The following OSBPL5 variants were observed in gnomAD, a reference collection of about 807,000 sequenced individuals.
The protein encoded by OSBPL5 is oxysterol binding protein like 5.
A neutral mutation model predicts 111.2 loss-of-function variants in OSBPL5; 71 were observed. The observed-to-expected ratio is 0.64, with a 90% CI of 0.53 to 0.78. OSBPL5 has a LOEUF of 0.78. OSBPL5 is among the 30% of genes least tolerant of loss of function. The probability of loss-of-function intolerance (pLI) is 0.00; values close to 1 mark genes in which losing one functional copy is unlikely to be tolerated. For synonymous variants in OSBPL5, 549 were observed against 513.9 expected (o/e 1.07, Z -0.93); for missense variants, 1,210 against 1,189.3 (o/e 1.02, Z -0.26).
chr11:3,161,826 A>G lies in OSBPL5; in HGVS notation c.-22+3390T>C, dbSNP rs1221999651. The stretch of plus-strand genomic sequence containing the variant: ...GCCAGGAACAGAGACTCTCTCAGAG[A>G]GGCAGCATCTGAGCTGGGACCTGAA... On this transcript the variant is annotated intron_variant, in intron 1 of 21. Transcript: ENST00000263650. The surrounding 1 kb of genome is among the most constrained non-coding windows in gnomAD (Gnocchi z 8.0). 1.3e-5 allele frequency among the ~76,000 whole-genome samples: 2 copies of G among 152,244 alleles called. No individual in the cohort carries two copies. Among genetic ancestry groups the G allele is most frequent in the African/African-American group, 4.8e-5 (2 of 41,466 alleles).
Position 3,126,686 on chromosome 11 carries a change from T to G in OSBPL5, c.137-131A>C. ...GGAGGGGCAGGAAGTCAGCCGGAGG[T>G]GGTGGCAGGAACAGGACACTGCCTG... On this transcript the variant is annotated intron_variant, in intron 2 of 21. Transcript: ENST00000263650. The surrounding 1 kb of genome is among the most constrained non-coding windows in gnomAD (Gnocchi z 6.5). 1.5e-6 allele frequency: 1 copy of G among 670,968 alleles called. No homozygotes were observed. Among genetic ancestry groups the G allele is most frequent in the Non-Finnish European group, 2.5e-6 (1 of 405,912 alleles). The allele number at this position is 670,968 out of a possible 1,614,324, so 41.6% of individuals were successfully genotyped here. A position where few individuals can be genotyped will look rare whatever the true frequency, so the allele number is the denominator to read the frequency against.
chr11:3,165,310 T>G lies in OSBPL5; in HGVS notation c.-116A>C, dbSNP rs957050833. ...CCTGGCTGCAGGAAATGCCAGCAGA[T>G]GGTCCCCCCGCGCGAGGCGGAGCGA... On this transcript the variant is annotated 5_prime_UTR_variant, in exon 1 of 22. Transcript: ENST00000263650. The surrounding 1 kb of genome is among the most constrained non-coding windows in gnomAD (Gnocchi z 7.4). The G allele has an allele frequency of 2.0e-5, 3 of 151,440 alleles. No individual in the cohort carries two copies. The highest frequency in any genetic ancestry group is 4.4e-5 in the Non-Finnish European group (3 of 67,844). 9.4% of individuals were successfully genotyped at this position (151,440 alleles called of 1,614,324 possible). A position where few individuals can be genotyped will look rare whatever the true frequency, so the allele number is the denominator to read the frequency against.
At chr11:3,103,698 GCCTGCGTACCCCCTTCCAGGC>G (rs1857538921) in intron 10 of OSBPL5, among the ~76,000 whole-genome samples, 10 of 118,126 alleles carry the variant, frequency 8.5e-5, no homozygotes, top group South Asian at 2.7e-4. Context: ...CCCCCTTCCA[GCCTGCGTACCCCCTTCCAGGC>G]TCTGCTGCCC....
In OSBPL5 at chr11:3,113,200, T is replaced by C. The variant is rs186796870; in HGVS notation, c.692-5255A>G. Among the ~76,000 whole-genome samples the C allele has an allele frequency of 7.9e-5, 12 of 152,360 alleles. No homozygotes were observed. The highest frequency in any genetic ancestry group is 1.3e-4 in the Non-Finnish European group (9 of 68,036). On this transcript the variant is annotated intron_variant, in intron 7 of 21. Transcript: ENST00000263650. This position sits in a 1 kb window ranked among gnomAD's most constrained non-coding sequence, Gnocchi z 4.8. ...AAATCTTTAATAAATAAGCTAGCTT[T>C]AAAATTATTGGTAAAGTAATATTAG...
In OSBPL5 at chr11:3,120,574, C is replaced by T. The variant is rs778122967; in HGVS notation, c.453G>A (p.Pro151=). 4.1e-5 allele frequency: 66 copies of T among 1,613,178 alleles called. No individual in the cohort carries two copies. Among genetic ancestry groups the T allele is most frequent in the African/African-American group, 1.2e-4 (9 of 74,944 alleles). ...GCGTCTTGTAGATGAGCAGCACCCC[C>T]GGCTTCAGCACGCACCACAGCTTGG... The part of the protein sequence containing the change: ...SWTKLWCVLK[P]GVLLIYKTPK... The change falls in exon 6 of 22, where the codon CCG becomes CCA. Residue 151 remains proline (P), a synonymous_variant. Coordinates refer to ENST00000263650, the MANE Select transcript of OSBPL5 (RefSeq NM_020896.4).
At chr11:3,164,062 C>T (rs888907125) in intron 1 of OSBPL5, 2 of 152,232 alleles carry the variant, frequency 1.3e-5, no homozygotes, top group Non-Finnish European at 2.9e-5. Context: ...CTGGATCAGC[C>T]CTGGTGCAGG....
Position 3,092,440 on chromosome 11 carries a change from T to C in OSBPL5, c.2251A>G (p.Arg751Gly), listed in dbSNP as rs1159895201. Residue 751 changes from arginine (R) to glycine (G), a missense_variant, in exon 19 of 22, where the codon AGG (arginine) becomes GGG (glycine). Coordinates refer to ENST00000263650, the MANE Select transcript of OSBPL5 (RefSeq NM_020896.4). The surrounding 1 kb of genome is among the most constrained non-coding windows in gnomAD (Gnocchi z 5.4). ...GCCTGTGGGGTGCTGACCTCGTGCC[T>C]GGGCCCTGGGCTGCCCAGGAAGGTG... ...QTTFLGSPGP[R>G]HERSGPDQRL... 3.2e-6 allele frequency: 5 copies of C among 1,572,842 alleles called. No individual in the cohort carries two copies. The highest frequency in any genetic ancestry group is 2.8e-5 in the African/African-American group (2 of 72,044).
intron 1 of OSBPL5, among the ~76,000 whole-genome samples, chr11:3,135,928 C>T (rs571824510): frequency 2.6e-5 from 4 of 152,334 alleles, no homozygotes; most frequent in South Asian, 4.1e-4. Context: ...CTGGGCTGAC[C>T]ACCCCTCCCC....
chr11:3,092,157 G>A lies in OSBPL5; in HGVS notation c.2259+275C>T, dbSNP rs1857081212. 6.6e-6 allele frequency among the ~76,000 whole-genome samples: 1 copy of A among 151,678 alleles called. No homozygotes were observed. The highest frequency in any genetic ancestry group is 2.4e-5 in the African/African-American group (1 of 41,232). ...ATCAGTGGAATGGGATAATGTGGCT[G>A]CTAACTTGGCAGAGGGAGACTTTGG... is the stretch of plus-strand genomic sequence containing the variant. On this transcript the variant is annotated intron_variant, in intron 19 of 21. Transcript: ENST00000263650. The surrounding 1 kb of genome is among the most constrained non-coding windows in gnomAD (Gnocchi z 5.4).
At chr11:3,102,378 G>C in intron 11 of OSBPL5, 97 bp from the exon 12 acceptor site, 5 of 1,102,106 alleles carry the variant, frequency 4.5e-6, no homozygotes, top group South Asian at 4.1e-5. Context: ...GCGTGGGTGG[G>C]CTACCCGCTG....
In OSBPL5 at chr11:3,109,286, G is replaced by A. The variant is rs1857826353; in HGVS notation, c.692-1341C>T. 6.6e-6 allele frequency among the ~76,000 whole-genome samples: 1 copy of A among 151,848 alleles called. No homozygotes were observed. The highest frequency in any genetic ancestry group is 1.5e-5 in the Non-Finnish European group (1 of 67,986). On this transcript the variant is annotated intron_variant, in intron 7 of 21. Coordinates refer to ENST00000263650, the MANE Select transcript of OSBPL5 (RefSeq NM_020896.4). The surrounding 1 kb of genome is among the most constrained non-coding windows in gnomAD (Gnocchi z 7.4). ...GTAGAGATGGGGTTTCACCATGTTG[G>A]CCAGGCTGGTCTCAACCTCTGGGCC...
rs997612889 is a variant in OSBPL5 at position 3,092,656 on chromosome 11, C to G, written c.2133-98G>C. 438 of 1,429,698 alleles carry G rather than the reference C, an allele frequency of 3.1e-4. 3 individuals are homozygous for G. Among genetic ancestry groups the G allele is most frequent in the Middle Eastern group, 2.3e-3 (12 of 5,198 alleles). 88.6% of individuals were successfully genotyped at this position (1,429,698 alleles called of 1,614,324 possible). A position where few individuals can be genotyped will look rare whatever the true frequency, so the allele number is the denominator to read the frequency against. The stretch of plus-strand genomic sequence containing the variant: ...TCAGCCCCCCAACAGTGGCCAGAGA[C>G]CTCCAGGAGAATGACCACTGCCCAC... On this transcript the variant is annotated intron_variant, in intron 18 of 21. Coordinates refer to ENST00000263650, the MANE Select transcript of OSBPL5 (RefSeq NM_020896.4). This position sits in a 1 kb window ranked among gnomAD's most constrained non-coding sequence, Gnocchi z 5.4.
chr11:3,135,155 G>A (rs933403149), intron 1 of OSBPL5, among the ~76,000 whole-genome samples: 14 of 152,226 alleles, frequency 9.2e-5, no homozygotes, highest in Admixed American at 3.3e-4. Flanking sequence ...CCTGAAGTGC[G>A]CCCTGGCGGT....
chr11:3,100,284 G>A (rs984697028), intron 13 of OSBPL5, 28 bp from the exon 14 acceptor site: 1 of 1,607,292 alleles, frequency 6.2e-7, no homozygotes, highest in Non-Finnish European at 8.5e-7. Context: ...AGCAGGACCA[G>A]TGAGTGCGGA....
Position 3,131,520 on chromosome 11 carries a change from C to T in OSBPL5, c.-21-2351G>A, listed in dbSNP as rs541050556. 1.3e-4 allele frequency among the ~76,000 whole-genome samples: 19 copies of T among 150,958 alleles called. No homozygotes were observed. The South Asian group carries it at 3.6e-3, about 29-fold the overall frequency. On this transcript the variant is annotated intron_variant, in intron 1 of 21. Coordinates refer to ENST00000263650, the MANE Select transcript of OSBPL5 (RefSeq NM_020896.4). ...CCATCCTCCCATCTATCCATCCATC[C>T]ACCCATTCATCCATCCATCCATCCA...
chr11:3,115,428 C>A (rs1428792279), intron 7 of OSBPL5, among the ~76,000 whole-genome samples: 1 of 152,172 alleles, frequency 6.6e-6, no homozygotes, highest in East Asian at 1.9e-4. Flanking sequence ...AAATTTTAAA[C>A]ACTGACAGCA....
intron 7 of OSBPL5, among the ~76,000 whole-genome samples, chr11:3,112,090 T>C (rs1209779138): frequency 3.0e-5 from 4 of 135,068 alleles, no homozygotes; most frequent in African/African-American, 1.2e-4. Flanking sequence ...TGTGTGCATG[T>C]GTGTGTGCAT....
At chr11:3,150,573 GAC>G (rs1846548235) in intron 1 of OSBPL5, among the ~76,000 whole-genome samples, 1 of 152,194 alleles carries the variant, frequency 6.6e-6, no homozygotes, top group South Asian at 2.1e-4. Flanking sequence ...CTGCCCCACA[GAC>G]ACAGAGGCCA....
At position 3,109,346 on chromosome 11, in the gene OSBPL5, G is replaced by A. The variant is rs952332132; in HGVS notation, c.692-1401C>T. ...CTGCGTCGGCCTCCCAAAGTGCTGG[G>A]ATTACAGGTGTGAGCCACTGTGCCT... On this transcript the variant is annotated intron_variant, in intron 7 of 21. Coordinates refer to ENST00000263650, the MANE Select transcript of OSBPL5 (RefSeq NM_020896.4). The surrounding 1 kb of genome is among the most constrained non-coding windows in gnomAD (Gnocchi z 7.4). 6.6e-6 allele frequency among the ~76,000 whole-genome samples: 1 copy of A among 152,162 alleles called. No homozygotes were observed. Among genetic ancestry groups the A allele is most frequent in the African/African-American group, 2.4e-5 (1 of 41,434 alleles).
Sources: allele counts gnomAD v4.1 joint callset (sites outside exome capture counted in the v4.1 genomes callset), GRCh38; gene constraint gnomAD v4.1.1; non-coding constraint Gnocchi (gnomAD v3.1); transcripts MANE v1.5; gene names NCBI Gene and HGNC (gene_info 2026-07-23, HGNC 2026-07-21).